CPNE4: variants seen among roughly 807,000 people sequenced by gnomAD.
CPNE4 encodes the protein copine-4.
CPNE4 carries 25 observed loss-of-function variants against 67.9 expected under a neutral mutation model. The ratio of observed to expected loss-of-function variants is 0.37; its 90% CI spans 0.27 to 0.51. CPNE4 has a LOEUF of 0.51. Ranked by LOEUF, CPNE4 falls within the 20% of genes least tolerant of loss-of-function variation. CPNE4 has a pLI of 0.93. For synonymous variants in CPNE4, 242 were observed against 244.9 expected, an observed-to-expected ratio of 0.99 and a Z score of 0.11; for missense variants, 464 against 690.8, an observed-to-expected ratio of 0.67 and a Z score of 3.68.
intron 11 of CPNE4, among the ~76,000 whole-genome samples, chr3:131,556,405 G>C (rs1936457589): frequency 1.3e-5 from 2 of 152,028 alleles, no homozygotes; most frequent in South Asian, 2.1e-4. Context: ...TGGAAAGCTT[G>C]TAAGTTTGGC....
chr3:131,801,446 GTGTGTGTATATATATA>G (rs1390075925), intron 2 of CPNE4, among the ~76,000 whole-genome samples: 6 of 85,214 alleles, frequency 7.0e-5, no homozygotes, highest in Non-Finnish European at 1.2e-4. Flanking sequence ...GTGTGTGTGT[GTGTGTGTATATATATA>G]TATATATATA....
chr3:131,917,010 C>T (rs566285585), intron 1 of CPNE4, among the ~76,000 whole-genome samples: 1 of 152,276 alleles, frequency 6.6e-6, no homozygotes, highest in South Asian at 2.1e-4. Flanking sequence ...GGCTTTTCAT[C>T]ATCTGCCAGT....
chr3:131,831,274 C>G (rs1313682146), intron 2 of CPNE4, among the ~76,000 whole-genome samples: 1 of 152,092 alleles, frequency 6.6e-6, no homozygotes, highest in African/African-American at 2.4e-5. Context: ...ATTATTCAAG[C>G]ATTGACATTA....
At chr3:132,023,479 C>CTTTTTTTTTTTT in intron 1 of CPNE4, among the ~76,000 whole-genome samples, 1 of 84,596 alleles carries the variant, frequency 1.2e-5, no homozygotes, top group Non-Finnish European at 2.1e-5. Context: ...GCAGATCAGC[C>CTTTTTTTTTTTT]TTTTTTTTTT....
At chr3:131,862,352 C>T (rs992637409) in intron 2 of CPNE4, among the ~76,000 whole-genome samples, 2 of 152,136 alleles carry the variant, frequency 1.3e-5, no homozygotes, top group Non-Finnish European at 2.9e-5. Context: ...TGATAATTCT[C>T]CCATAAAATT....
chr3:131,908,361 A>G (rs1225003), intron 1 of CPNE4, among the ~76,000 whole-genome samples: 112,225 of 152,112 alleles, frequency 0.74, 41,601 homozygotes, highest in Admixed American at 0.82. Flanking sequence ...CAAAGGGAGA[A>G]AAAGAATCAG....
chr3:132,002,492 C>G (rs1386144321), intron 1 of CPNE4, among the ~76,000 whole-genome samples: 3 of 152,054 alleles, frequency 2.0e-5, no homozygotes, highest in Admixed American at 6.6e-5. Flanking sequence ...CCAAGTTTAT[C>G]CAAAAAGGTA....
At chr3:131,582,474 A>G (rs1252658076) in intron 8 of CPNE4, among the ~76,000 whole-genome samples, 3 of 152,204 alleles carry the variant, frequency 2.0e-5, no homozygotes, top group East Asian at 3.8e-4. Context: ...TTTCTACTCA[A>G]GAGACAAAAT....
intron 1 of CPNE4, among the ~76,000 whole-genome samples, chr3:131,948,145 T>C (rs988428511): frequency 3.9e-5 from 6 of 152,184 alleles, no homozygotes; most frequent in Admixed American, 2.6e-4. Context: ...TTTGGATGTT[T>C]ATATGATTTG....
chr3:131,770,384 C>T (rs2083135858), intron 2 of CPNE4, among the ~76,000 whole-genome samples: 1 of 152,248 alleles, frequency 6.6e-6, no homozygotes, highest in Non-Finnish European at 1.5e-5. Context: ...TGAAGTTGTA[C>T]TTCCTGTCTA....
chr3:131,745,469 T>C (rs1304339181), intron 2 of CPNE4, among the ~76,000 whole-genome samples: 2 of 152,150 alleles, frequency 1.3e-5, no homozygotes, highest in East Asian at 3.8e-4. Context: ...ATGCTGCACG[T>C]GTCAAGTCTA....
chr3:131,839,248 T>A (rs1181528416), intron 2 of CPNE4, among the ~76,000 whole-genome samples: 1 of 151,848 alleles, frequency 6.6e-6, no homozygotes, highest in Non-Finnish European at 1.5e-5. Flanking sequence ...TTTGAATAAT[T>A]AAAAAACCTA....
chr3:131,905,327 A>G lies in CPNE4; in HGVS notation c.117T>C (p.Asp39=), dbSNP rs200431015. 5.0e-5 allele frequency: 80 copies of G among 1,613,622 alleles called. No homozygotes were observed. The highest frequency in any genetic ancestry group is 6.4e-5 in the Non-Finnish European group (76 of 1,179,700). ...CACAGGGGTCTGGTTTGGAAAGGGC[A>G]TCTCTGTCAGAAATGCCTTTGCACG... is the stretch of plus-strand genomic sequence containing the variant. ...RVACKGISDR[D]ALSKPDPCVI... is the part of the protein sequence containing the mutation. The change falls in exon 2 of 16, where the codon GAT becomes GAC. Residue 39 remains aspartate (D), a synonymous_variant. Coordinates refer to ENST00000429747, the MANE Select transcript of CPNE4 (RefSeq NM_130808.3).
At chr3:131,750,468 G>A (rs574876171) in intron 2 of CPNE4, among the ~76,000 whole-genome samples, 1 of 152,132 alleles carries the variant, frequency 6.6e-6, no homozygotes, top group Admixed American at 6.5e-5. Flanking sequence ...ATCTCATTGA[G>A]TATTATTTTT....
intron 1 of CPNE4, among the ~76,000 whole-genome samples, chr3:131,963,469 C>G (rs1228978693): frequency 2.0e-5 from 3 of 152,076 alleles, no homozygotes; most frequent in Non-Finnish European, 4.4e-5. Flanking sequence ...CCCACAGATC[C>G]CAGAAAACTG....
At chr3:131,724,839 CA>C (rs1424488075) in intron 2 of CPNE4, among the ~76,000 whole-genome samples, 1 of 152,122 alleles carries the variant, frequency 6.6e-6, no homozygotes. Flanking sequence ...TTGGGTATGC[CA>C]TCTGTTTTCT....
chr3:131,584,195 A>G (rs1163313494), intron 8 of CPNE4, among the ~76,000 whole-genome samples: 2 of 152,008 alleles, frequency 1.3e-5, no homozygotes, highest in Non-Finnish European at 2.9e-5. Context: ...AGCCTCCTGT[A>G]CCTTCTCTTC....
intron 1 of CPNE4, among the ~76,000 whole-genome samples, chr3:131,952,037 T>G (rs1431665745): frequency 6.8e-6 from 1 of 146,922 alleles, no homozygotes; most frequent in African/African-American, 2.5e-5. Flanking sequence ...GTCTGGGATG[T>G]GAGGAGCCCC....
intron 11 of CPNE4, among the ~76,000 whole-genome samples, chr3:131,557,155 G>A (rs531407134): frequency 2.6e-5 from 4 of 152,198 alleles, no homozygotes; most frequent in African/African-American, 4.8e-5. Flanking sequence ...CTCTTTAATC[G>A]AATAGTTGTG....
Sources: gnomAD v4.1 joint callset for allele counts (sites outside exome capture counted in the v4.1 genomes callset) on GRCh38, gnomAD v4.1.1 for gene constraint, MANE v1.5 for transcripts, NCBI Gene and HGNC (gene_info 2026-07-23, HGNC 2026-07-21) for gene names.